RNF150: variants seen among roughly 807,000 people sequenced by gnomAD.
RNF150 encodes ring finger protein 150.
A neutral mutation model predicts 39.3 loss-of-function variants in RNF150; 24 were observed. The ratio of observed to expected loss-of-function variants is 0.61; its 90% CI spans 0.44 to 0.86. The LOEUF is 0.86. RNF150 is among the 40% of genes least tolerant of loss of function. RNF150 has a pLI of 0.00. For missense variants in RNF150, 502 were observed against 587.8 expected (o/e 0.85, Z 1.51); for synonymous variants, 255 against 227.3 (o/e 1.12, Z -1.10).
chr4:141,167,014 G>A (rs762065257), intron 1 of RNF150, among the ~76,000 whole-genome samples: 1 of 152,110 alleles, frequency 6.6e-6, no homozygotes, highest in Non-Finnish European at 1.5e-5. Context: ...GTCTCTGTTT[G>A]CAGATGACAT....
At chr4:141,047,969 G>A (rs1241564251) in intron 1 of RNF150, among the ~76,000 whole-genome samples, 1 of 152,124 alleles carries the variant, frequency 6.6e-6, no homozygotes, top group Non-Finnish European at 1.5e-5. Context: ...GTCAATAGGA[G>A]AATGAGAGTA....
At chr4:141,135,883 G>A (rs1302926826), upstream of RNF150, among the ~76,000 whole-genome samples, 1 of 152,196 alleles carries the variant, frequency 6.6e-6, no homozygotes, top group Non-Finnish European at 1.5e-5. Context: ...TTTGTAGAAT[G>A]AGTCCTATCA....
intron 6 of RNF150, among the ~76,000 whole-genome samples, chr4:140,875,381 T>A (rs976422939): frequency 6.6e-6 from 1 of 152,114 alleles, no homozygotes; most frequent in Non-Finnish European, 1.5e-5. Flanking sequence ...CTCACGATGT[T>A]GCCCAGGCTG....
rs150398287 is a variant in RNF150 at position 140,887,098 on chromosome 4, G to A, written c.1199-18719C>T. On this transcript the variant is annotated intron_variant, in intron 6 of 6. Transcript: ENST00000515673. ...TCCTGACTGGTGTAACTCAATACAG[G>A]CAATGGTATTAGAAAGATAGGTGGT... Among the ~76,000 whole-genome samples, 227 of 152,230 alleles carry A rather than the reference G, an allele frequency of 1.5e-3. 2 individuals carry two copies. Among genetic ancestry groups the A allele is most frequent in the African/African-American group, 4.9e-3 (204 of 41,546 alleles).
intron 6 of RNF150, among the ~76,000 whole-genome samples, chr4:140,877,201 T>C (rs1284096190): frequency 6.6e-6 from 1 of 152,208 alleles, no homozygotes; most frequent in African/African-American, 2.4e-5. Context: ...AGTTCATTCA[T>C]TGAGTCATTC....
intron 1 of RNF150, among the ~76,000 whole-genome samples, chr4:141,078,789 C>CAAAA (rs150748282): frequency 4.7e-5 from 3 of 63,860 alleles, no homozygotes; most frequent in African/African-American, 2.6e-4. Context: ...AACTCCGTCT[C>CAAAA]AAAAAAAAAA....
intron 6 of RNF150, among the ~76,000 whole-genome samples, chr4:140,902,163 G>A (rs1370724802): frequency 2.0e-5 from 3 of 152,162 alleles, no homozygotes; most frequent in East Asian, 3.9e-4. Flanking sequence ...GCTGATAAGG[G>A]CTTGAATTAT....
chr4:141,153,839 ATC>A (rs1378796824), intron 1 of RNF150, among the ~76,000 whole-genome samples: 1 of 152,126 alleles, frequency 6.6e-6, no homozygotes, highest in African/African-American at 2.4e-5. Context: ...TACAGGATTG[ATC>A]CATAGTGAAT....
At chr4:141,102,120 T>A (rs550991850) in intron 1 of RNF150, among the ~76,000 whole-genome samples, 6 of 152,304 alleles carry the variant, frequency 3.9e-5, no homozygotes, top group Admixed American at 3.3e-4. Context: ...ATTATATATG[T>A]GGTTTTTCAT....
Position 140,859,913 on chromosome 4 carries a change from T to C in RNF150, c.*8348A>G, listed in dbSNP as rs1283822196. Reference sequence around the variant, plus strand: ...ATCCTTATAGTTGCAATATTTTTTTTTTAGCCAGTACGTAAGAACACGATT... The same window carrying C: ...ATCCTTATAGTTGCAATATTTTTTTCTTAGCCAGTACGTAAGAACACGATT... On this transcript the variant is annotated 3_prime_UTR_variant, in exon 7 of 7. Coordinates refer to ENST00000515673, the MANE Select transcript of RNF150 (RefSeq NM_020724.2). The C allele has an allele frequency of 1.3e-5, 2 of 152,170 alleles. No homozygotes were observed. Among genetic ancestry groups the C allele is most frequent in the Non-Finnish European group, 2.9e-5 (2 of 68,034 alleles). The allele number at this position is 152,170 out of a possible 1,614,324, so 9.4% of individuals were successfully genotyped here.
At chr4:141,077,493 C>T (rs1047776425) in intron 1 of RNF150, among the ~76,000 whole-genome samples, 2 of 152,158 alleles carry the variant, frequency 1.3e-5, no homozygotes, top group Non-Finnish European at 1.5e-5. Flanking sequence ...TATGAAAACT[C>T]ATCGGCCTGT....
At chr4:140,887,339 C>T (rs756427962) in intron 6 of RNF150, among the ~76,000 whole-genome samples, 5 of 152,166 alleles carry the variant, frequency 3.3e-5, no homozygotes, top group African/African-American at 7.2e-5. Flanking sequence ...ATAAACATAA[C>T]GCACAATGCT....
At chr4:140,961,928 G>C (rs1733042272) in intron 2 of RNF150, among the ~76,000 whole-genome samples, 1 of 151,982 alleles carries the variant, frequency 6.6e-6, no homozygotes, top group Admixed American at 6.6e-5. Context: ...AATGATTGAA[G>C]TCATTACTCA....
At chr4:140,926,814 T>A (rs1731414813) in intron 4 of RNF150, among the ~76,000 whole-genome samples, 1 of 152,214 alleles carries the variant, frequency 6.6e-6, no homozygotes. Context: ...AGGAACTCCT[T>A]GAGTCAGAAG....
intron 1 of RNF150, among the ~76,000 whole-genome samples, chr4:140,985,279 G>T (rs973749481): frequency 2.0e-5 from 3 of 152,096 alleles, no homozygotes. Flanking sequence ...AGTAGTTCTA[G>T]AATCTTTTCT....
At chr4:140,970,182 A>G (rs1403066489) in intron 1 of RNF150, among the ~76,000 whole-genome samples, 2 of 152,220 alleles carry the variant, frequency 1.3e-5, no homozygotes, top group Admixed American at 1.3e-4. Context: ...ACTCATCTAA[A>G]ATAGCTTCTC....
At chr4:141,124,954 C>T (rs1045623841) in intron 1 of RNF150, among the ~76,000 whole-genome samples, 3 of 152,156 alleles carry the variant, frequency 2.0e-5, no homozygotes, top group Non-Finnish European at 2.9e-5. Context: ...AATGCATAAG[C>T]TTAAATTCTC....
intron 1 of RNF150, among the ~76,000 whole-genome samples, chr4:141,090,144 A>G (rs1310502827): frequency 6.6e-6 from 1 of 152,194 alleles, no homozygotes; most frequent in East Asian, 1.9e-4. Flanking sequence ...GGGCAGCTTG[A>G]GCAGCCCCTA....
At chr4:140,881,908 T>C (rs914252943) in intron 6 of RNF150, among the ~76,000 whole-genome samples, 20 of 152,330 alleles carry the variant, frequency 1.3e-4, no homozygotes, top group African/African-American at 4.6e-4. Flanking sequence ...TTGTTTAATT[T>C]CTACATTTTG....
Sources: gnomAD v4.1 joint callset for allele counts (sites outside exome capture counted in the v4.1 genomes callset) on GRCh38, gnomAD v4.1.1 for gene constraint, MANE v1.5 for transcripts, NCBI Gene and HGNC (gene_info 2026-07-23, HGNC 2026-07-21) for gene names.